CBY1: variants seen among roughly 807,000 people sequenced by gnomAD.
CBY1 encodes the protein chibby 1, beta catenin antagonist.
CBY1 carries 10 observed loss-of-function variants against 15.6 expected under a neutral mutation model. That is an observed-to-expected ratio of 0.64 (90% CI 0.40 to 1.09). The LOEUF is 1.09. Among genes scored for constraint, CBY1 ranks in the 50% least tolerant of loss-of-function variants. CBY1 has a pLI of 0.01. For missense variants in CBY1, 150 were observed against 160.5 expected (o/e 0.93, Z 0.35); for synonymous variants, 61 against 63.5 (o/e 0.96, Z 0.19).
chr22:38,659,044 G>T (rs6001186), intron 1 of CBY1, among the ~76,000 whole-genome samples: 58,494 of 151,484 alleles, frequency 0.39, 11,735 homozygotes, highest in African/African-American at 0.49. Flanking sequence ...CAAGCAATTC[G>T]CATGCCTCAG....
Position 38,673,280 on chromosome 22 carries a change from CTTTT to C in CBY1, c.*50_*53del, listed in dbSNP as rs760553075. ...TTGGGGAGTAGGATGTGGCTGAGTGCTTTTTTTTTGGCCAGACTAGCGGATTCAG... is the reference window on the plus strand; with the variant it reads ...TTGGGGAGTAGGATGTGGCTGAGTGCTTTTTGGCCAGACTAGCGGATTCAG... On this transcript the variant is annotated 3_prime_UTR_variant, in exon 5 of 5. Transcript: ENST00000216029. The C allele has an allele frequency of 1.5e-6, 2 of 1,340,660 alleles. No homozygotes were observed. Among genetic ancestry groups the C allele is most frequent in the Non-Finnish European group, 2.1e-6 (2 of 940,542 alleles). The allele number at this position is 1,340,660 out of a possible 1,614,324, so 83.0% of individuals were successfully genotyped here. A position where few individuals can be genotyped will look rare whatever the true frequency, so the allele number is the denominator to read the frequency against.
At chr22:38,669,089 G>C (rs1022077890) in intron 2 of CBY1, among the ~76,000 whole-genome samples, 1 of 152,160 alleles carries the variant, frequency 6.6e-6, no homozygotes, top group Non-Finnish European at 1.5e-5. Context: ...ACTTGAAGTC[G>C]GTCCTCCCCT....
intron 4 of CBY1, among the ~76,000 whole-genome samples, chr22:38,672,237 G>A (rs1416469243): frequency 3.3e-5 from 5 of 150,446 alleles, no homozygotes; most frequent in Admixed American, 2.6e-4. Flanking sequence ...ACTCTAGCCT[G>A]GGCAACAGAG....
chr22:38,658,558 T>G (rs2092412226), intron 1 of CBY1, among the ~76,000 whole-genome samples: 1 of 152,106 alleles, frequency 6.6e-6, no homozygotes, highest in Non-Finnish European at 1.5e-5. Context: ...CCTCCTGGGT[T>G]CACACCATTG....
intron 1 of CBY1, among the ~76,000 whole-genome samples, chr22:38,658,492 A>G (rs4820341): frequency 0.43 from 64,872 of 149,182 alleles, 14,749 homozygotes; most frequent in African/African-American, 0.6. Flanking sequence ...ATGGAGTCTG[A>G]CTCTGTTGCC....
At chr22:38,659,668 C>A (rs2092416006) in intron 1 of CBY1, among the ~76,000 whole-genome samples, 2 of 151,932 alleles carry the variant, frequency 1.3e-5, no homozygotes, top group African/African-American at 4.8e-5. Context: ...CGAGACCATC[C>A]TGGCTAACAC....
intron 1 of CBY1, chr22:38,666,707 T>TTA (rs2092437398): frequency 6.6e-6 from 1 of 152,056 alleles, no homozygotes; most frequent in African/African-American, 2.4e-5. Context: ...TATTTATTTT[T>TTA]TTAATTTATT....
chr22:38,673,171 A>G lies in CBY1; in HGVS notation c.316A>G (p.Thr106Ala), dbSNP rs370775076. The G allele has an allele frequency of 6.2e-6, 10 of 1,611,300 alleles. No individual in the cohort carries two copies. The highest frequency in any genetic ancestry group is 5.5e-5 in the South Asian group (5 of 91,012). Residue 106 changes from threonine (T) to alanine (A), a missense_variant, in exon 5 of 5, where the codon ACT (threonine) becomes GCT (alanine). Thr to Ala is a moderately conservative substitution (Grantham distance 58, BLOSUM62 0). Transcript: ENST00000216029. ...GCTTCACTTTCAGCTTTCAGAGTCC[A>G]CTGCTGAATCCCACTTAATGGAGAA... The part of the protein sequence containing the change: ...DILLDMLSES[T>A]AESHLMEKEL...
chr22:38,659,848 T>C (rs922805100), intron 1 of CBY1, among the ~76,000 whole-genome samples: 23 of 122,460 alleles, frequency 1.9e-4, no homozygotes, highest in African/African-American at 7.1e-4. Context: ...GGCGACAGAG[T>C]GAGACTCTGT....
intron 1 of CBY1, chr22:38,665,618 C>A (rs563200903): frequency 1.8e-6 from 1 of 542,242 alleles, no homozygotes; most frequent in Non-Finnish European, 2.8e-6. Context: ...AGAAACATGA[C>A]GTTGAGTGTG....
At chr22:38,670,718 C>T in intron 2 of CBY1, 166 bp from the exon 3 acceptor site, 2 of 596,032 alleles carry the variant, frequency 3.4e-6, no homozygotes, top group Non-Finnish European at 6.0e-6. Context: ...CACAATTAAA[C>T]TTTTCCTGTA....
rs144964056 is a variant in CBY1 at position 38,661,334 on chromosome 22, C to G, written c.-39+4584C>G. 3.4e-4 allele frequency among the ~76,000 whole-genome samples: 51 copies of G among 152,110 alleles called. 1 individual carries two copies. Among genetic ancestry groups the G allele is most frequent in the Admixed American group, 3.3e-3 (50 of 15,246 alleles). ...GATTACAGGTGAGCACCACCACTCCCGGCTAATTTTTGTACATTTTTAGTA... is the reference window on the plus strand; with the variant it reads ...GATTACAGGTGAGCACCACCACTCCGGGCTAATTTTTGTACATTTTTAGTA... On this transcript the variant is annotated intron_variant, in intron 1 of 4. Transcript: ENST00000216029.
chr22:38,656,775 C>G (rs1477170659), intron 1 of CBY1, 25 bp downstream of exon 1: 2 of 152,310 alleles, frequency 1.3e-5, no homozygotes, highest in African/African-American at 4.8e-5. Flanking sequence ...CCGGCGTCGC[C>G]GGCCAGCGCT....
intron 1 of CBY1, 56 bp from the exon 2 acceptor site, chr22:38,667,958 GACA>G (rs2092441615): frequency 1.2e-6 from 1 of 863,338 alleles, no homozygotes. Flanking sequence ...AAGATTTGAA[GACA>G]ATGGCATAAG....
At chr22:38,673,033 T>C in intron 4 of CBY1, 126 bp from the exon 5 acceptor site, 1 of 636,974 alleles carries the variant, frequency 1.6e-6, no homozygotes, top group Non-Finnish European at 2.9e-6. Flanking sequence ...GGGTTTCCCA[T>C]CGAGGAAGCC....
chr22:38,667,249 G>C (rs2092439326), intron 1 of CBY1, among the ~76,000 whole-genome samples: 2 of 152,086 alleles, frequency 1.3e-5, no homozygotes, highest in South Asian at 2.1e-4. Context: ...GGGCTCAAGT[G>C]ATCTGCCTAC....
intron 2 of CBY1, chr22:38,668,674 A>G (rs938680004): frequency 2.6e-5 from 4 of 153,060 alleles, no homozygotes; most frequent in Non-Finnish European, 4.4e-5. Context: ...CCCAGCCAGT[A>G]TCATCCAATT....
chr22:38,661,396 G>C (rs1341639336), intron 1 of CBY1, among the ~76,000 whole-genome samples: 1 of 152,120 alleles, frequency 6.6e-6, no homozygotes, highest in Non-Finnish European at 1.5e-5. Flanking sequence ...GACTGGTCTC[G>C]AACTTCTGAC....
intron 1 of CBY1, among the ~76,000 whole-genome samples, chr22:38,665,335 G>A (rs1271572835): frequency 2.6e-5 from 4 of 152,038 alleles, no homozygotes; most frequent in Admixed American, 6.6e-5. Flanking sequence ...ATGGTGGTGC[G>A]TGCCTATAGT....
Sources: gnomAD v4.1 joint callset for allele counts (sites outside exome capture counted in the v4.1 genomes callset) on GRCh38, gnomAD v4.1.1 for gene constraint, MANE v1.5 for transcripts, NCBI Gene and HGNC (gene_info 2026-07-23, HGNC 2026-07-21) for gene names.